The following ANO2 variants were observed in gnomAD, a reference collection of about 807,000 sequenced individuals.
ANO2 encodes anoctamin-2.
A neutral mutation model predicts 124.2 loss-of-function variants in ANO2; 101 were observed. That is an observed-to-expected ratio of 0.81 (90% confidence interval 0.69 to 0.96). The LOEUF (loss-of-function observed/expected upper bound fraction) is 0.96, where lower values mean the gene tolerates loss of function less well. Ranked by LOEUF, ANO2 falls within the 40% of genes least tolerant of loss-of-function variation. The pLI is 0.00. For synonymous variants in ANO2, 486 were observed against 482.5 expected (o/e 1.01, Z -0.09); for missense variants, 1,293 against 1,274.5 (o/e 1.01, Z -0.22).
chr12:5,667,998 G>C (rs2136982854), intron 14 of ANO2, among the ~76,000 whole-genome samples: 1 of 152,292 alleles, frequency 6.6e-6, no homozygotes, highest in South Asian at 2.1e-4. Context: ...ATTGTGAATA[G>C]TGCTACAATG....
At chr12:5,825,510 C>A (rs943064723) in intron 7 of ANO2, among the ~76,000 whole-genome samples, 2 of 152,124 alleles carry the variant, frequency 1.3e-5, no homozygotes, top group African/African-American at 4.8e-5. Context: ...GTTCTGCTGG[C>A]CTAGAGATCT....
chr12:5,583,465 A>C (rs571544133), intron 20 of ANO2, among the ~76,000 whole-genome samples: 2 of 151,906 alleles, frequency 1.3e-5, no homozygotes, highest in Admixed American at 1.3e-4. Flanking sequence ...CATCTTGGCT[A>C]ACACGGTGAA....
intron 19 of ANO2, among the ~76,000 whole-genome samples, chr12:5,611,049 T>C (rs7316031): frequency 0.66 from 96,222 of 146,442 alleles, 31,955 homozygotes; most frequent in East Asian, 0.8. Context: ...CTGCTCACTG[T>C]ACCCTCCACC....
intron 11 of ANO2, among the ~76,000 whole-genome samples, chr12:5,746,434 T>G (rs1951268898): frequency 6.6e-6 from 1 of 152,200 alleles, no homozygotes; most frequent in Admixed American, 6.5e-5. Flanking sequence ...TGGCTAAGAA[T>G]GACATCGAAA....
At chr12:5,869,219 G>A (rs2137278333) in intron 3 of ANO2, among the ~76,000 whole-genome samples, 1 of 152,266 alleles carries the variant, frequency 6.6e-6, no homozygotes, top group East Asian at 1.9e-4. Flanking sequence ...TCCAGCACCA[G>A]TCCGAGTAGC....
intron 10 of ANO2, among the ~76,000 whole-genome samples, chr12:5,796,603 C>G (rs35312831): frequency 0.14 from 21,425 of 152,158 alleles, 2,062 homozygotes; most frequent in African/African-American, 0.28. Context: ...CCCAGGTCTC[C>G]AGAGCAGAGG....
chr12:5,588,775 T>C (rs1943247859), intron 20 of ANO2, among the ~76,000 whole-genome samples: 1 of 152,224 alleles, frequency 6.6e-6, no homozygotes, highest in African/African-American at 2.4e-5. Context: ...TTGTGACACA[T>C]TGCACAATTG....
intron 11 of ANO2, among the ~76,000 whole-genome samples, chr12:5,749,776 A>G (rs1055051188): frequency 1.3e-5 from 2 of 152,186 alleles, no homozygotes; most frequent in African/African-American, 4.8e-5. Context: ...ATCTTCTGCT[A>G]TGTTCCAGAC....
chr12:5,943,209 C>A (rs184737138), intron 1 of ANO2, among the ~76,000 whole-genome samples: 2 of 151,790 alleles, frequency 1.3e-5, no homozygotes, highest in South Asian at 2.1e-4. Context: ...GATAGGGAAC[C>A]AACTTAAATG....
At chr12:5,924,854 C>A (rs1225132099) in intron 1 of ANO2, among the ~76,000 whole-genome samples, 1 of 152,220 alleles carries the variant, frequency 6.6e-6, no homozygotes, top group African/African-American at 2.4e-5. Context: ...GAGAAAGACA[C>A]AGACCTCTCT....
At position 5,658,484 on chromosome 12, in the gene ANO2, CATCA is replaced by C. The variant is rs1947276215; in HGVS notation, c.1546-10687_1546-10684del. ...ATCATATCATCACTATCATCATCAT[CATCA>C]ATATCATCGTATCAAAATCAATATA... On this transcript the variant is annotated intron_variant, in intron 14 of 24. Coordinates refer to ENST00000682330, the MANE Select transcript of ANO2 (RefSeq NM_001364791.2). This position sits in a 1 kb window ranked among gnomAD's most constrained non-coding sequence, Gnocchi z 4.3. 1.3e-5 allele frequency among the ~76,000 whole-genome samples: 2 copies of C among 152,132 alleles called. No individual in the cohort carries two copies. The highest frequency in any genetic ancestry group is 6.5e-5 in the Admixed American group (1 of 15,272).
chr12:5,868,848 G>A (rs932014893), intron 3 of ANO2, among the ~76,000 whole-genome samples: 6 of 152,184 alleles, frequency 3.9e-5, no homozygotes, highest in African/African-American at 1.4e-4. Flanking sequence ...AACAAACTGG[G>A]CGGCTCTGCA....
chr12:5,711,382 C>A (rs1414317845), intron 14 of ANO2, among the ~76,000 whole-genome samples: 1 of 152,286 alleles, frequency 6.6e-6, no homozygotes, highest in South Asian at 2.1e-4. Flanking sequence ...TCCCTCTTCA[C>A]CTTCCACCAT....
chr12:5,907,964 G>T (rs999026805), intron 3 of ANO2, among the ~76,000 whole-genome samples: 1 of 152,228 alleles, frequency 6.6e-6, no homozygotes, highest in African/African-American at 2.4e-5. Flanking sequence ...GCTCACAGGC[G>T]TGGCCTGAGT....
chr12:5,596,449 G>T (rs1943663809), intron 20 of ANO2, among the ~76,000 whole-genome samples: 1 of 152,128 alleles, frequency 6.6e-6, no homozygotes, highest in Non-Finnish European at 1.5e-5. Flanking sequence ...AAATTAAAAG[G>T]TTGGATTTGG....
chr12:5,787,113 T>G lies in ANO2; in HGVS notation c.1055+12394A>C, dbSNP rs750717225. Among the ~76,000 whole-genome samples the G allele has an allele frequency of 1.3e-5, 2 of 152,110 alleles. No homozygotes were observed. Among genetic ancestry groups the G allele is most frequent in the African/African-American group, 2.4e-5 (1 of 41,414 alleles). ...AGAGGCTCTGGGCTCAGAGTCATGATGGCCAGGCTGCCCACAAGTCCTTCA... is the reference window on the plus strand; with the variant it reads ...AGAGGCTCTGGGCTCAGAGTCATGAGGGCCAGGCTGCCCACAAGTCCTTCA... On this transcript the variant is annotated intron_variant, in intron 10 of 24. Transcript: ENST00000682330. This position sits in a 1 kb window ranked among gnomAD's most constrained non-coding sequence, Gnocchi z 4.2.
At position 5,854,144 on chromosome 12, in the gene ANO2, G is replaced by A. The variant is rs1312341624; in HGVS notation, c.535-3C>T. 1.9e-6 allele frequency: 3 copies of A among 1,611,428 alleles called. 1 individual carries two copies. The South Asian group carries it at 3.3e-5, about 18-fold the overall frequency. Reference sequence around the variant, plus strand: ...AAGATGGATCCCTGGCTTTTATTCTGCAAGGTACAAAGAAAGAACAAATGG... The same window carrying A: ...AAGATGGATCCCTGGCTTTTATTCTACAAGGTACAAAGAAAGAACAAATGG... On this transcript the variant is annotated splice_region_variant and splice_polypyrimidine_tract_variant and intron_variant, in intron 3 of 24. Transcript: ENST00000682330.
chr12:5,902,194 C>G (rs1940263442), intron 3 of ANO2, among the ~76,000 whole-genome samples: 1 of 152,160 alleles, frequency 6.6e-6, no homozygotes, highest in Non-Finnish European at 1.5e-5. Flanking sequence ...GATTAAAAAG[C>G]AGACCAATTA....
chr12:5,796,191 T>G (rs1285872478), intron 10 of ANO2, among the ~76,000 whole-genome samples: 3 of 146,564 alleles, frequency 2.0e-5, no homozygotes, highest in Non-Finnish European at 4.5e-5. Context: ...GCACACACTC[T>G]CTCACATACA....
Sources: gnomAD v4.1 joint callset for allele counts (sites outside exome capture counted in the v4.1 genomes callset) on GRCh38, gnomAD v4.1.1 for gene constraint, Gnocchi (gnomAD v3.1) non-coding constraint, MANE v1.5 for transcripts, NCBI Gene and HGNC (gene_info 2026-07-23, HGNC 2026-07-21) for gene names.